Variants in XYLT1 observed in about 807,000 individuals in gnomAD.
XYLT1 encodes the protein xylosyltransferase 1, also known as beta-D-xylosyltransferase 1.
In XYLT1, 36 loss-of-function variants were observed where a neutral mutation model predicts 91.3. The observed-to-expected ratio is 0.39, with a 90% CI of 0.30 to 0.52. The LOEUF (loss-of-function observed/expected upper bound fraction) is 0.52. XYLT1 is among the 20% of genes least tolerant of loss of function. The probability of loss-of-function intolerance (pLI) is 0.68; values close to 1 mark genes in which losing one functional copy is unlikely to be tolerated. For missense variants in XYLT1, 1,242 were observed against 1,284.5 expected, an observed-to-expected ratio of 0.97 and a Z score of 0.51; for synonymous variants, 588 against 532.0, an observed-to-expected ratio of 1.11 and a Z score of -1.45.
At chr16:17,131,554 C>T (rs185808687) in intron 9 of XYLT1, among the ~76,000 whole-genome samples, 43 of 152,304 alleles carry the variant, frequency 2.8e-4, no homozygotes, top group Non-Finnish European at 5.9e-4. Context: ...TGCTTCGTGC[C>T]TGCCCCGGAG....
At chr16:17,295,300 G>A (rs1174914056) in intron 2 of XYLT1, among the ~76,000 whole-genome samples, 1 of 151,948 alleles carries the variant, frequency 6.6e-6, no homozygotes, top group African/African-American at 2.4e-5. Context: ...GAAGAAATGG[G>A]GGATAGATCA....
chr16:17,377,738 C>T (rs954560662), intron 1 of XYLT1, among the ~76,000 whole-genome samples: 1 of 152,182 alleles, frequency 6.6e-6, no homozygotes, highest in Non-Finnish European at 1.5e-5. Context: ...AGCTTAACCA[C>T]GTGATGCCTG....
chr16:17,282,689 C>T (rs2141786534), intron 2 of XYLT1, among the ~76,000 whole-genome samples: 1 of 152,310 alleles, frequency 6.6e-6, no homozygotes, highest in Middle Eastern at 3.4e-3. Context: ...GAGAACCTCC[C>T]AGGGGCTGCA....
intron 11 of XYLT1, among the ~76,000 whole-genome samples, chr16:17,114,641 C>T (rs1597127907): frequency 6.6e-6 from 1 of 152,154 alleles, no homozygotes; most frequent in African/African-American, 2.4e-5. Flanking sequence ...TGTCCCCATC[C>T]CCTTGCATCA....
At chr16:17,366,072 T>C (rs1380710236) in intron 1 of XYLT1, among the ~76,000 whole-genome samples, 1 of 142,058 alleles carries the variant, frequency 7.0e-6, no homozygotes. Flanking sequence ...TTTTTTTTTT[T>C]TTTTTTGGCC....
chr16:17,112,238 C>T (rs948583298), intron 11 of XYLT1, among the ~76,000 whole-genome samples: 4 of 152,264 alleles, frequency 2.6e-5, no homozygotes, highest in South Asian at 4.2e-4. Flanking sequence ...GGATTTCTTG[C>T]GATTACCAGG....
chr16:17,164,290 C>T (rs2031627713), intron 5 of XYLT1, among the ~76,000 whole-genome samples: 1 of 112,220 alleles, frequency 8.9e-6, no homozygotes, highest in South Asian at 2.6e-4. Flanking sequence ...TTTGATGTCA[C>T]AAATTTTTTT....
intron 2 of XYLT1, among the ~76,000 whole-genome samples, chr16:17,319,839 T>G (rs997767291): frequency 5.9e-5 from 9 of 152,224 alleles, no homozygotes; most frequent in Admixed American, 1.3e-4. Flanking sequence ...GTTTCCCCAC[T>G]GAATGGAAAT....
chr16:17,172,439 C>T (rs960530581), intron 5 of XYLT1, among the ~76,000 whole-genome samples: 1 of 151,310 alleles, frequency 6.6e-6, no homozygotes, highest in African/African-American at 2.4e-5. Context: ...TGAGCATCTT[C>T]CTATGTGCCA....
In XYLT1 at chr16:17,108,364, C is replaced by T. The variant is rs116076710; in HGVS notation, c.*331G>A. The T allele has an allele frequency of 2.3e-5, 6 of 259,624 alleles. No homozygotes were observed. Among genetic ancestry groups the T allele is most frequent in the East Asian group, 1.4e-4 (2 of 14,382 alleles). The allele number at this position is 259,624 out of a possible 1,614,324, so 16.1% of individuals were successfully genotyped here. On this transcript the variant is annotated 3_prime_UTR_variant, in exon 12 of 12. Transcript: ENST00000261381. ...GCTCCGTAAACGAAGTTCTGCTGCT[C>T]GAAAGAAAAGTCTGAAAATCACACG...
intron 5 of XYLT1, among the ~76,000 whole-genome samples, chr16:17,175,038 T>TG (rs1461475678): frequency 6.6e-6 from 1 of 152,252 alleles, no homozygotes; most frequent in Admixed American, 6.5e-5. Context: ...CCCAAATTGC[T>TG]GGGATTACAG....
At chr16:17,282,715 T>A (rs1269516136) in intron 2 of XYLT1, among the ~76,000 whole-genome samples, 1 of 152,224 alleles carries the variant, frequency 6.6e-6, no homozygotes, top group Non-Finnish European at 1.5e-5. Context: ...TGGTTGTATA[T>A]GGAGTCCAGT....
intron 2 of XYLT1, among the ~76,000 whole-genome samples, chr16:17,315,185 A>G (rs1464329667): frequency 1.3e-5 from 2 of 152,218 alleles, no homozygotes; most frequent in Non-Finnish European, 2.9e-5. Context: ...TCTCCTTCCT[A>G]GGACTGACTT....
chr16:17,387,921 C>A (rs2035766684), intron 1 of XYLT1, among the ~76,000 whole-genome samples: 1 of 152,148 alleles, frequency 6.6e-6, no homozygotes, highest in Non-Finnish European at 1.5e-5. Context: ...TCTCTTTTCC[C>A]AGAGCTATAA....
At chr16:17,225,766 A>G (rs965426384) in intron 3 of XYLT1, among the ~76,000 whole-genome samples, 6 of 152,320 alleles carry the variant, frequency 3.9e-5, no homozygotes, top group African/African-American at 1.2e-4. Flanking sequence ...GACTGTGGTA[A>G]GTTACAATGC....
intron 5 of XYLT1, among the ~76,000 whole-genome samples, chr16:17,160,737 C>T (rs1304177464): frequency 6.6e-6 from 1 of 152,164 alleles, no homozygotes; most frequent in Non-Finnish European, 1.5e-5. Context: ...TAAACCCCAT[C>T]GTGCATGCCA....
At chr16:17,359,549 C>T (rs1216677880) in intron 1 of XYLT1, among the ~76,000 whole-genome samples, 1 of 152,150 alleles carries the variant, frequency 6.6e-6, no homozygotes, top group African/African-American at 2.4e-5. Flanking sequence ...ATTCTGAGTC[C>T]AACTCCCAGT....
At chr16:17,289,826 G>A (rs1383479002) in intron 2 of XYLT1, among the ~76,000 whole-genome samples, 1 of 152,180 alleles carries the variant, frequency 6.6e-6, no homozygotes, top group Admixed American at 6.5e-5. Flanking sequence ...TGATGCAGAG[G>A]AAAGTCTAAG....
intron 2 of XYLT1, among the ~76,000 whole-genome samples, chr16:17,307,378 T>G (rs2034484988): frequency 6.6e-6 from 1 of 152,112 alleles, no homozygotes; most frequent in Non-Finnish European, 1.5e-5. Context: ...CCTGGCCGAG[T>G]CTGCAGTTTT....
Sources: gnomAD v4.1 joint callset for allele counts (sites outside exome capture counted in the v4.1 genomes callset) on GRCh38, gnomAD v4.1.1 for gene constraint, MANE v1.5 for transcripts, NCBI Gene and HGNC (gene_info 2026-07-23, HGNC 2026-07-21) for gene names.